Variants in RGS17 observed in about 807,000 individuals in gnomAD.
The protein encoded by RGS17 is regulator of G protein signaling 17.
A neutral mutation model predicts 25.5 loss-of-function variants in RGS17; 12 were observed. The ratio of observed to expected loss-of-function variants is 0.47; its 90% CI spans 0.30 to 0.76. The LOEUF is 0.76. RGS17 is among the 30% of genes least tolerant of loss of function. The pLI is 0.07. For synonymous variants in RGS17, 71 were observed against 76.9 expected, an observed-to-expected ratio of 0.92 and a Z score of 0.40; for missense variants, 196 against 242.2, an observed-to-expected ratio of 0.81 and a Z score of 1.27.
intron 2 of RGS17, among the ~76,000 whole-genome samples, chr6:153,038,844 C>A (rs531738925): frequency 6.6e-6 from 1 of 152,218 alleles, no homozygotes; most frequent in East Asian, 1.9e-4. Context: ...ATTACAGAGG[C>A]CATGGTACTT....
At chr6:153,055,509 A>G (rs957709362) in intron 1 of RGS17, among the ~76,000 whole-genome samples, 2 of 152,140 alleles carry the variant, frequency 1.3e-5, no homozygotes, top group Non-Finnish European at 2.9e-5. Flanking sequence ...GGCAGGAGAA[A>G]CTGGTCTCTC....
At chr6:153,077,879 AT>A (rs149812866) in intron 1 of RGS17, among the ~76,000 whole-genome samples, 82,458 of 147,010 alleles carry the variant, frequency 0.56, 22,916 homozygotes, top group South Asian at 0.63. Flanking sequence ...TATCTTTTTT[AT>A]TTTTTTTTTT....
chr6:153,127,117 C>T (rs6934121), intron 1 of RGS17, among the ~76,000 whole-genome samples: 72,941 of 151,874 alleles, frequency 0.48, 18,250 homozygotes, highest in East Asian at 0.85. Context: ...GCATGCGCAG[C>T]TCACAATAGG....
At chr6:153,116,243 C>G (rs893624834) in intron 1 of RGS17, among the ~76,000 whole-genome samples, 7 of 151,946 alleles carry the variant, frequency 4.6e-5, no homozygotes, top group South Asian at 2.1e-4. Flanking sequence ...GCAAACAACC[C>G]CATCAAAAAG....
At chr6:153,122,830 CAAT>C (rs1777652090) in intron 1 of RGS17, among the ~76,000 whole-genome samples, 1 of 151,668 alleles carries the variant, frequency 6.6e-6, no homozygotes, top group African/African-American at 2.4e-5. Flanking sequence ...ATACTAATAA[CAAT>C]AATAATCATA....
intron 1 of RGS17, among the ~76,000 whole-genome samples, chr6:153,054,088 T>TA (rs1491093042): frequency 1.1e-4 from 1 of 8,956 alleles, no homozygotes; most frequent in Non-Finnish European, 1.9e-4. Context: ...ACACACAATA[T>TA]TTTTTATATA....
intron 2 of RGS17, among the ~76,000 whole-genome samples, chr6:153,039,366 A>G (rs780029007): frequency 4.6e-5 from 7 of 152,174 alleles, no homozygotes; most frequent in Admixed American, 3.9e-4. Flanking sequence ...TAAAGTAGCT[A>G]AAGACAGAAC....
chr6:153,040,453 G>T (rs1390476395), intron 2 of RGS17, among the ~76,000 whole-genome samples: 1 of 152,100 alleles, frequency 6.6e-6, no homozygotes, highest in Non-Finnish European at 1.5e-5. Flanking sequence ...CCCATAACAT[G>T]AAGCTTAGGG....
chr6:153,125,047 G>A (rs1049638124), intron 1 of RGS17, among the ~76,000 whole-genome samples: 1 of 152,136 alleles, frequency 6.6e-6, no homozygotes, highest in African/African-American at 2.4e-5. Context: ...TTATTGGGAA[G>A]ATTCAAGAAA....
intron 1 of RGS17, among the ~76,000 whole-genome samples, chr6:153,070,220 T>G (rs1214947389): frequency 2.0e-5 from 3 of 152,144 alleles, no homozygotes; most frequent in South Asian, 2.1e-4. Flanking sequence ...GACAAGTTGT[T>G]TTCTTTTTTG....
intron 4 of RGS17, among the ~76,000 whole-genome samples, chr6:153,014,936 CG>C (rs1779168400): frequency 6.6e-6 from 1 of 152,280 alleles, no homozygotes; most frequent in East Asian, 1.9e-4. Flanking sequence ...TGTGATTCAT[CG>C]AAGGAGGTCA....
intron 1 of RGS17, among the ~76,000 whole-genome samples, chr6:153,111,051 T>A (rs367752966): frequency 6.6e-6 from 1 of 151,868 alleles, no homozygotes; most frequent in East Asian, 1.9e-4. Flanking sequence ...AGTGTTTTTT[T>A]TTTTCATACC....
chr6:153,056,691 G>T (rs982218154), intron 1 of RGS17, among the ~76,000 whole-genome samples: 1 of 152,124 alleles, frequency 6.6e-6, no homozygotes, highest in South Asian at 2.1e-4. Flanking sequence ...ATACAGCTGG[G>T]AGTGAGATGA....
intron 1 of RGS17, among the ~76,000 whole-genome samples, chr6:153,082,169 T>A (rs1412261105): frequency 5.3e-5 from 8 of 152,222 alleles, no homozygotes; most frequent in Non-Finnish European, 1.5e-5. Flanking sequence ...CTGCTGTTTA[T>A]TACTGGCTTT....
At chr6:153,129,436 T>A (rs540359090) in intron 1 of RGS17, among the ~76,000 whole-genome samples, 12 of 152,356 alleles carry the variant, frequency 7.9e-5, no homozygotes, top group African/African-American at 2.9e-4. Context: ...ACAATGTACT[T>A]TAAATGTTTC....
intron 1 of RGS17, among the ~76,000 whole-genome samples, chr6:153,078,129 C>T (rs1241365813): frequency 6.6e-6 from 1 of 152,180 alleles, no homozygotes; most frequent in Non-Finnish European, 1.5e-5. Flanking sequence ...CTGCCTTGGC[C>T]TCCCAAAGTG....
intron 1 of RGS17, among the ~76,000 whole-genome samples, chr6:153,083,364 A>G (rs916038976): frequency 1.3e-5 from 2 of 152,212 alleles, no homozygotes; most frequent in African/African-American, 4.8e-5. Context: ...AGTTGTCATA[A>G]TAGATTTTTT....
intron 1 of RGS17, among the ~76,000 whole-genome samples, chr6:153,122,268 C>T (rs377640253): frequency 5.9e-5 from 9 of 152,176 alleles, no homozygotes; most frequent in African/African-American, 1.9e-4. Flanking sequence ...TACATATATG[C>T]ATACATTGAC....
intron 1 of RGS17, among the ~76,000 whole-genome samples, chr6:153,093,357 A>C (rs1316071446): frequency 6.6e-6 from 1 of 152,208 alleles, no homozygotes; most frequent in African/African-American, 2.4e-5. Flanking sequence ...TGGTTCTCCA[A>C]GGATGACTTC....
Sources: gnomAD v4.1 joint callset for allele counts (sites outside exome capture counted in the v4.1 genomes callset) on GRCh38, gnomAD v4.1.1 for gene constraint, MANE v1.5 for transcripts, NCBI Gene and HGNC (gene_info 2026-07-23, HGNC 2026-07-21) for gene names.